SYCP2: variants seen among roughly 807,000 people sequenced by gnomAD.
SYCP2 encodes the protein synaptonemal complex protein 2.
SYCP2 carries 55 observed loss-of-function variants against 211.3 expected under a neutral mutation model. That is an observed-to-expected ratio of 0.26 (90% confidence interval 0.21 to 0.33). SYCP2 has a LOEUF of 0.33. Ranked by LOEUF, SYCP2 falls within the 10% of genes least tolerant of loss-of-function variation. SYCP2 has a pLI of 1.00. For synonymous variants in SYCP2, 570 were observed against 555.2 expected (o/e 1.03, Z -0.37); for missense variants, 1,731 against 1,752.0 (o/e 0.99, Z 0.21).
intron 26 of SYCP2, among the ~76,000 whole-genome samples, chr20:59,884,236 T>G (rs1280948853): frequency 6.6e-6 from 1 of 152,026 alleles, no homozygotes; most frequent in African/African-American, 2.4e-5. Flanking sequence ...ATAGAAAACT[T>G]TGAGAGAGGC....
At chr20:59,896,852 T>C (rs2060018359) in intron 18 of SYCP2, among the ~76,000 whole-genome samples, 1 of 152,190 alleles carries the variant, frequency 6.6e-6, no homozygotes, top group African/African-American at 2.4e-5. Flanking sequence ...TAACCATAGC[T>C]TGCAATTTCC....
intron 10 of SYCP2, among the ~76,000 whole-genome samples, chr20:59,914,663 T>C (rs559283048): frequency 5.3e-5 from 8 of 152,042 alleles, no homozygotes; most frequent in African/African-American, 1.9e-4. Context: ...AATCACCATA[T>C]TAAAATTCAT....
rs1289561060 is a variant in SYCP2 at position 59,920,416 on chromosome 20, G to A, written c.240C>T (p.Ile80=). The change falls in exon 5 of 45, where the codon ATC becomes ATT. Residue 80 remains isoleucine, a synonymous_variant. Transcript: ENST00000357552. Reference sequence around the variant, plus strand: ...GAAGTCCAGCTTGCCCCAATACACTGATATTTTTGCCACATCTTCCAACAG... The same window carrying A: ...GAAGTCCAGCTTGCCCCAATACACTAATATTTTTGCCACATCTTCCAACAG... ...LVSVGRCGKN[I]SVLGQAGLLT... 1.2e-6 allele frequency: 2 copies of A among 1,610,136 alleles called. No homozygotes were observed. Among genetic ancestry groups the A allele is most frequent in the Admixed American group, 1.7e-5 (1 of 59,720 alleles).
At chr20:59,929,145 A>C (rs1374049249) in intron 2 of SYCP2, among the ~76,000 whole-genome samples, 2 of 152,166 alleles carry the variant, frequency 1.3e-5, no homozygotes, top group East Asian at 3.9e-4. Context: ...CAACTGGCTA[A>C]TAAAGAAATG....
intron 18 of SYCP2, among the ~76,000 whole-genome samples, chr20:59,899,324 A>G (rs1413057362): frequency 1.3e-5 from 2 of 152,242 alleles, no homozygotes; most frequent in Non-Finnish European, 2.9e-5. Context: ...TGCAGATTTT[A>G]GTCAAAAGAT....
intron 35 of SYCP2, among the ~76,000 whole-genome samples, chr20:59,873,116 T>C (rs908389190): frequency 6.6e-6 from 1 of 152,080 alleles, no homozygotes; most frequent in Non-Finnish European, 1.5e-5. Context: ...CACAGATTTC[T>C]TTTTCCTAAT....
chr20:59,917,132 A>T lies in SYCP2; in HGVS notation c.428-561T>A, dbSNP rs943749777. Among the ~76,000 whole-genome samples the T allele has an allele frequency of 1.7e-4, 25 of 147,748 alleles. No individual in the cohort carries two copies. In the East Asian group the frequency reaches 3.7e-3, roughly 22 times the overall value. ...ACTGCAGGCACATAAGGAGGTATTTATTTTTTTTTTTAGATTAAGTAAATA... is the reference window on the plus strand; with the variant it reads ...ACTGCAGGCACATAAGGAGGTATTTTTTTTTTTTTTTAGATTAAGTAAATA... On this transcript the variant is annotated intron_variant, in intron 7 of 44. Coordinates refer to ENST00000357552, the MANE Select transcript of SYCP2 (RefSeq NM_014258.4).
intron 2 of SYCP2, among the ~76,000 whole-genome samples, chr20:59,926,672 C>A (rs138128989): frequency 1.3e-3 from 195 of 152,076 alleles, no homozygotes; most frequent in Non-Finnish European, 2.4e-3. Flanking sequence ...ACAATTCAAC[C>A]CATAACAGTC....
At chr20:59,881,182 T>C (rs938055286) in intron 29 of SYCP2, among the ~76,000 whole-genome samples, 159 bp from the exon 30 acceptor site, 1 of 151,802 alleles carries the variant, frequency 6.6e-6, no homozygotes, top group Non-Finnish European at 1.5e-5. Flanking sequence ...ACCTCAGTTA[T>C]AAAATAACTA....
chr20:59,901,600 T>C, intron 16 of SYCP2, 62 bp downstream of exon 16: 1 of 1,056,970 alleles, frequency 9.5e-7, no homozygotes, highest in Non-Finnish European at 1.4e-6. Flanking sequence ...ATAAAACTTA[T>C]AACGCCAAAC....
At position 59,867,800 on chromosome 20, in the gene SYCP2, A is replaced by G; in HGVS notation, c.4036T>C (p.Trp1346Arg). 6 of 1,609,618 alleles carry G rather than the reference A, an allele frequency of 3.7e-6. No individual in the cohort carries two copies. The highest frequency in any genetic ancestry group is 5.1e-6 in the Non-Finnish European group (6 of 1,176,972). Residue 1346 changes from tryptophan to arginine, a missense_variant, in exon 39 of 45, where the codon TGG (tryptophan) becomes CGG (arginine). Trp to Arg is a moderately radical substitution (Grantham distance 101). Transcript: ENST00000357552. ...GCAAATTCATTTTGCCAGGTCTCCC[A>G]AGGAATAGAAAAGTCATTTGTTGAT... The part of the protein sequence containing the change: ...SLSTNDFSIP[W>R]ETWQNEFAGI...
At chr20:59,896,213 AATT>A (rs2060004324) in intron 19 of SYCP2, among the ~76,000 whole-genome samples, 1 of 152,008 alleles carries the variant, frequency 6.6e-6, no homozygotes, top group Admixed American at 6.6e-5. Context: ...AATTATAATA[AATT>A]ATTAATGTCG....
chr20:59,901,662 C>A lies in SYCP2; in HGVS notation c.1182G>T (p.Arg394Ser). 2 of 1,512,558 alleles carry A rather than the reference C, an allele frequency of 1.3e-6. No individual in the cohort carries two copies. The highest frequency in any genetic ancestry group is 1.9e-5 in the Admixed American group (1 of 53,872). 93.7% of individuals were successfully genotyped at this position (1,512,558 alleles called of 1,614,324 possible). Residue 394 changes from arginine (R) to serine (S), a missense_variant and splice_region_variant, in exon 16 of 45, where the codon AGG (arginine) becomes AGT (serine). By Grantham distance (110) the Arg-to-Ser change is moderately radical (BLOSUM62 -1). Around this residue, in one of 3 missense-constraint regions of SYCP2, gnomAD observed 1,387 missense variants for 1,351.3 expected, o/e 1.03. Coordinates refer to ENST00000357552, the MANE Select transcript of SYCP2 (RefSeq NM_014258.4). The part of the protein sequence containing the change: ...TQKIFGATKH[R>S]ESIRKQGISV... ...ATATTTATTAAGTTTAAAGACTTAC[C>A]CTATGTTTAGTTGCACCAAAAATTT...
intron 35 of SYCP2, among the ~76,000 whole-genome samples, chr20:59,872,410 G>A (rs6070986): frequency 0.019 from 2,948 of 151,998 alleles, 42 homozygotes; most frequent in Middle Eastern, 0.041. Context: ...TGGAGATATC[G>A]TAGTGCTCAA....
intron 2 of SYCP2, among the ~76,000 whole-genome samples, chr20:59,930,315 ACAGAGAAGGTTT>A (rs1301470937): frequency 1.3e-5 from 2 of 152,248 alleles, no homozygotes; most frequent in Non-Finnish European, 2.9e-5. Flanking sequence ...ACAATTGAAT[ACAGAGAAGGTTT>A]CAGATTGTGC....
chr20:59,901,637 A>G lies in SYCP2; in HGVS notation c.1182+25T>C, dbSNP rs900292604. 2.1e-5 allele frequency: 27 copies of G among 1,305,996 alleles called. No homozygotes were observed. The South Asian group carries it at 3.7e-4, about 18-fold the overall frequency. 80.9% of individuals were successfully genotyped at this position (1,305,996 alleles called of 1,614,324 possible). On this transcript the variant is annotated intron_variant, in intron 16 of 44. Transcript: ENST00000357552. ...GTTTCCAGAATTATGAAAATAGTAA[A>G]TATTTATTAAGTTTAAAGACTTACC...
At chr20:59,879,038 CACTA>C (rs1239154073) in intron 31 of SYCP2, among the ~76,000 whole-genome samples, 1 of 152,036 alleles carries the variant, frequency 6.6e-6, no homozygotes, top group Non-Finnish European at 1.5e-5. Context: ...TTAGTGATGA[CACTA>C]ACCTCTAACA....
At chr20:59,921,263 T>C (rs1555886119) in intron 4 of SYCP2, 47 bp downstream of exon 4, 1 of 1,525,146 alleles carries the variant, frequency 6.6e-7, no homozygotes. Flanking sequence ...AAAACTAGAG[T>C]TCTATCTAAT....
In SYCP2 at chr20:59,892,178, A is replaced by T. The variant is rs2059920513; in HGVS notation, c.2176T>A (p.Ser726Thr). 1.2e-6 allele frequency: 2 copies of T among 1,612,554 alleles called. No homozygotes were observed. Among genetic ancestry groups the T allele is most frequent in the Non-Finnish European group, 1.7e-6 (2 of 1,179,186 alleles). The change falls in exon 24 of 45, where the codon TCG becomes ACG. Residue 726 changes from serine (S) to threonine (T), a missense_variant. By Grantham distance (58) the Ser-to-Thr change is moderately conservative. Transcript: ENST00000357552. ...WPVESETTFK[S>T]VLLNKTIEES... ...TCAATTGTCTTATTTAGGAGAACCG[A>T]TTTAAAAGTAGTTTCAGATTCAACA... is the stretch of plus-strand genomic sequence containing the variant.
Sources: gnomAD v4.1 joint callset for allele counts (sites outside exome capture counted in the v4.1 genomes callset) on GRCh38, gnomAD v4.1.1 for gene constraint, gnomAD v4.1.1 regional missense constraint, MANE v1.5 for transcripts, NCBI Gene and HGNC (gene_info 2026-07-23, HGNC 2026-07-21) for gene names.